GATB: variants seen among roughly 807,000 people sequenced by gnomAD.
GATB encodes glutamyl-tRNA(Gln) amidotransferase subunit B, mitochondrial.
Under a neutral mutation model 62.3 loss-of-function variants are expected in GATB, and 39 were observed. The ratio of observed to expected loss-of-function variants is 0.63; its 90% CI spans 0.48 to 0.82. The LOEUF (loss-of-function observed/expected upper bound fraction) is 0.82, where lower values mean the gene tolerates loss of function less well. Ranked by LOEUF, GATB falls within the 40% of genes least tolerant of loss-of-function variation. The pLI is 0.00. For missense variants in GATB, 670 were observed against 684.0 expected (o/e 0.98, Z 0.23); for synonymous variants, 276 against 258.9 (o/e 1.07, Z -0.63).
chr4:151,709,035 C>A (rs2126973471), intron 5 of GATB, among the ~76,000 whole-genome samples: 1 of 152,302 alleles, frequency 6.6e-6, no homozygotes, highest in South Asian at 2.1e-4. Flanking sequence ...AGTGAGAAGA[C>A]AAAATGCTGG....
At chr4:151,718,816 T>G (rs778309057) in intron 3 of GATB, among the ~76,000 whole-genome samples, 8 of 152,200 alleles carry the variant, frequency 5.3e-5, no homozygotes, top group Non-Finnish European at 7.3e-5. Context: ...ACTCACATGG[T>G]GTGGCTTAAA....
rs752245667 is a variant in GATB at position 151,688,761 on chromosome 4, G to A, written c.1200C>T (p.Asn400=). 1.3e-5 allele frequency: 20 copies of A among 1,531,046 alleles called. No homozygotes were observed. The highest frequency in any genetic ancestry group is 1.2e-4 in the African/African-American group (6 of 48,906). The allele number at this position is 1,531,046 out of a possible 1,614,324, so 94.8% of individuals were successfully genotyped here. A position where few individuals can be genotyped will look rare whatever the true frequency, so the allele number is the denominator to read the frequency against. Residue 400 remains asparagine, a splice_region_variant and synonymous_variant, in exon 10 of 13, where the codon AAC becomes AAT. Transcript: ENST00000263985. ...GGAAGAACTCCAGTAGGCCGACTTC[G>A]TTCTGTTAAAAAAAAAAAAAGAAAA... ...MLLEHSFTLL[N]EVGLLEFFQN...
chr4:151,672,709 T>C, intron 12 of GATB, 53 bp downstream of exon 12: 1 of 1,586,748 alleles, frequency 6.3e-7, no homozygotes, highest in South Asian at 1.1e-5. Context: ...GGCGAGGCTC[T>C]TGGGCATGTC....
At position 151,758,785 on chromosome 4, in the gene GATB, G is replaced by A; in HGVS notation, c.314C>T (p.Pro105Leu). 1 of 1,598,734 alleles carries A rather than the reference G, an allele frequency of 6.3e-7. No individual in the cohort carries two copies. The stretch of plus-strand genomic sequence containing the variant: ...TAAGAATCTTACCGGCAAAGTTCCA[G>A]GTAGAGATGCATCAAAAAAAGAAAC... Reference protein sequence around the residue: ...SLVSFFDASLPGTLPVLNRRC... With the variant: ...SLVSFFDASLLGTLPVLNRRC... Residue 105 changes from proline (P) to leucine (L), a missense_variant, in exon 2 of 13, where the codon CCT becomes CTT. Coordinates refer to ENST00000263985, the MANE Select transcript of GATB (RefSeq NM_004564.3).
At chr4:151,684,971 G>A (rs1192601769) in intron 10 of GATB, among the ~76,000 whole-genome samples, 2 of 152,134 alleles carry the variant, frequency 1.3e-5, no homozygotes. Context: ...CACAAGCCAG[G>A]CGACTTGGCT....
chr4:151,698,748 G>C (rs1317594606), intron 9 of GATB, among the ~76,000 whole-genome samples: 2 of 151,980 alleles, frequency 1.3e-5, no homozygotes, highest in Non-Finnish European at 2.9e-5. Context: ...ACTCATCTTG[G>C]AAATTTCAAG....
rs190654824 is a variant in GATB at position 151,705,318 on chromosome 4, T to C, written c.878-49A>G. 9 of 1,158,270 alleles carry C rather than the reference T, an allele frequency of 7.8e-6. No individual in the cohort carries two copies. In the African/African-American group the frequency reaches 1.2e-4, roughly 16 times the overall value. The allele number at this position is 1,158,270 out of a possible 1,614,324, so 71.7% of individuals were successfully genotyped here. On this transcript the variant is annotated intron_variant, in intron 6 of 12. Coordinates refer to ENST00000263985, the MANE Select transcript of GATB (RefSeq NM_004564.3). ...CATCATATTTTGATTATACCTTTCATCCAGTCAAGCAATAATTAGAAACAA... is the reference window on the plus strand; with the variant it reads ...CATCATATTTTGATTATACCTTTCACCCAGTCAAGCAATAATTAGAAACAA...
At position 151,680,416 on chromosome 4, in the gene GATB, T is replaced by C. The variant is rs1338230167; in HGVS notation, c.1332-525A>G. On this transcript the variant is annotated intron_variant, in intron 10 of 12. Transcript: ENST00000263985. Reference sequence around the variant, plus strand: ...ACATTTTCATCCATCCTCAGGAACCTGATACATAACTCTCTTCTCCAGGCT... The same window carrying C: ...ACATTTTCATCCATCCTCAGGAACCCGATACATAACTCTCTTCTCCAGGCT... Among the ~76,000 whole-genome samples, 5 of 151,864 alleles carry C rather than the reference T, an allele frequency of 3.3e-5. No individual in the cohort carries two copies. In the East Asian group the frequency reaches 5.8e-4, roughly 18 times the overall value.
Position 151,678,666 on chromosome 4 carries a change from C to T in GATB, c.1410+1147G>A, listed in dbSNP as rs1258648367. Among the ~76,000 whole-genome samples, 3 of 152,168 alleles carry T rather than the reference C, an allele frequency of 2.0e-5. No homozygotes were observed. In the East Asian group the frequency reaches 5.8e-4, roughly 29 times the overall value. ...CGTCTCCAGTTCCACAGCACCCAGC[C>T]CGGTGCGTGCACTATGGTGCCTCAT... On this transcript the variant is annotated intron_variant, in intron 11 of 12. Transcript: ENST00000263985.
intron 11 of GATB, among the ~76,000 whole-genome samples, chr4:151,679,126 C>A (rs1348562377): frequency 2.0e-5 from 3 of 152,152 alleles, no homozygotes; most frequent in Non-Finnish European, 4.4e-5. Context: ...AAACTCCTGA[C>A]CTCGTGATCC....
chr4:151,706,028 T>C (rs1738707303), intron 6 of GATB, among the ~76,000 whole-genome samples: 1 of 152,196 alleles, frequency 6.6e-6, no homozygotes, highest in Admixed American at 6.5e-5. Flanking sequence ...CCTCCCACCA[T>C]GTACTACCTT....
intron 2 of GATB, among the ~76,000 whole-genome samples, chr4:151,736,970 T>C (rs1310477471): frequency 2.6e-5 from 4 of 152,176 alleles, no homozygotes; most frequent in Admixed American, 6.5e-5. Context: ...CTTTTGTAAA[T>C]TGCCCAGTCT....
At chr4:151,688,420 C>T (rs1376190006) in intron 10 of GATB, among the ~76,000 whole-genome samples, 2 of 152,156 alleles carry the variant, frequency 1.3e-5, no homozygotes, top group African/African-American at 4.8e-5. Flanking sequence ...GCAGAGGACA[C>T]AGTGCACAGT....
At chr4:151,756,289 A>G (rs1460979799) in intron 2 of GATB, among the ~76,000 whole-genome samples, 1 of 152,232 alleles carries the variant, frequency 6.6e-6, no homozygotes, top group Non-Finnish European at 1.5e-5. Flanking sequence ...TTATGAATGG[A>G]GTTATAAGCA....
intron 9 of GATB, among the ~76,000 whole-genome samples, chr4:151,689,913 A>G (rs1738329158): frequency 6.6e-6 from 1 of 152,164 alleles, no homozygotes; most frequent in African/African-American, 2.4e-5. Flanking sequence ...TACTATTTCA[A>G]TAAGAAAAAT....
intron 2 of GATB, among the ~76,000 whole-genome samples, chr4:151,748,749 T>C (rs1320444639): frequency 1.3e-5 from 2 of 152,076 alleles, no homozygotes; most frequent in East Asian, 1.9e-4. Flanking sequence ...GAGAAAATAT[T>C]TGCAATCTAC....
chr4:151,704,801 T>C (rs1207421686), intron 7 of GATB, among the ~76,000 whole-genome samples: 1 of 150,128 alleles, frequency 6.7e-6, no homozygotes, highest in Non-Finnish European at 1.5e-5. Flanking sequence ...CAGGCTGGAG[T>C]GCGGTGGCAA....
intron 2 of GATB, among the ~76,000 whole-genome samples, chr4:151,741,664 G>C (rs974597595): frequency 1.3e-5 from 2 of 152,174 alleles, no homozygotes; most frequent in Admixed American, 6.5e-5. Context: ...ATTCACCCAG[G>C]GGGAGGCCAG....
chr4:151,752,278 T>C (rs886438214), intron 2 of GATB, among the ~76,000 whole-genome samples: 3 of 152,196 alleles, frequency 2.0e-5, no homozygotes, highest in Non-Finnish European at 4.4e-5. Flanking sequence ...CATGCCTTCA[T>C]GTTAGACTAT....
Sources: allele counts gnomAD v4.1 joint callset (sites outside exome capture counted in the v4.1 genomes callset), GRCh38; gene constraint gnomAD v4.1.1; transcripts MANE v1.5; gene names NCBI Gene and HGNC (gene_info 2026-07-23, HGNC 2026-07-21).